The following SHOC1 variants were observed in gnomAD, a reference collection of about 807,000 sequenced individuals.
The protein encoded by SHOC1 is protein shortage in chiasmata 1 ortholog.
A neutral mutation model predicts 179.2 loss-of-function variants in SHOC1; 136 were observed. That is an observed-to-expected ratio of 0.76 (90% CI 0.66 to 0.87). The LOEUF is 0.87. Ranked by LOEUF, SHOC1 falls within the 40% of genes least tolerant of loss-of-function variation. SHOC1 has a pLI of 0.00. For synonymous variants in SHOC1, 489 were observed against 586.6 expected (o/e 0.83, Z 2.41); for missense variants, 1,538 against 1,700.8 (o/e 0.90, Z 1.68).
chr9:111,760,010 A>C (rs1029942251), intron 5 of SHOC1, among the ~76,000 whole-genome samples: 2 of 152,226 alleles, frequency 1.3e-5, no homozygotes, highest in African/African-American at 4.8e-5. Flanking sequence ...TATCTGAGAC[A>C]GTTAAATATG....
chr9:111,766,312 G>A (rs1835358129), intron 5 of SHOC1, among the ~76,000 whole-genome samples: 1 of 152,158 alleles, frequency 6.6e-6, no homozygotes, highest in African/African-American at 2.4e-5. Context: ...TGGGCACTTA[G>A]GTTGATTACA....
chr9:111,717,055 T>A (rs1051071573), intron 16 of SHOC1, among the ~76,000 whole-genome samples: 6 of 152,226 alleles, frequency 3.9e-5, no homozygotes, highest in African/African-American at 1.4e-4. Flanking sequence ...ACTCATGATA[T>A]TAAAACAGAA....
chr9:111,786,503 A>ATTTTT lies in SHOC1; in HGVS notation c.46-473_46-469dup, dbSNP rs34413616. Among the ~76,000 whole-genome samples, 112 of 110,238 alleles carry ATTTTT rather than the reference A, an allele frequency of 1.0e-3. 1 individual carries two copies. Among genetic ancestry groups the ATTTTT allele is most frequent in the African/African-American group, 3.6e-3 (101 of 28,326 alleles). The allele number at this position is 110,238 out of a possible 152,430, so 72.3% of individuals were successfully genotyped here. On this transcript the variant is annotated intron_variant, in intron 2 of 27. Coordinates refer to ENST00000682961, the MANE Select transcript of SHOC1 (RefSeq NM_001378211.1). ...TGCTTTATTCTATTGTGCTCTGCAG[A>ATTTTT]TTTTTTTTTTTTTTTTTTTTTTTTT...
intron 21 of SHOC1, among the ~76,000 whole-genome samples, chr9:111,704,780 T>C (rs1168457184): frequency 6.6e-6 from 1 of 152,204 alleles, no homozygotes; most frequent in African/African-American, 2.4e-5. Flanking sequence ...ATTTAAAACC[T>C]TGAGAATTCA....
chr9:111,713,110 G>T lies in SHOC1; in HGVS notation c.2478C>A (p.Asn826Lys), dbSNP rs761779358. The change falls in exon 18 of 28, where the codon AAC becomes AAA. Residue 826 changes from asparagine (N) to lysine (K), a missense_variant. Transcript: ENST00000682961. ...TTTAAAACTGCCTACCTTCTATTTT[G>T]TTAAGAATTTTAATGAGAAAATGTT... ...GEKHFLIKIL[N>K]KIEGLTLTVL... 2 of 1,558,918 alleles carry T rather than the reference G, an allele frequency of 1.3e-6. No individual in the cohort carries two copies. Among genetic ancestry groups the T allele is most frequent in the South Asian group, 1.1e-5 (1 of 88,210 alleles).
chr9:111,778,711 C>G (rs1835922024), intron 4 of SHOC1, among the ~76,000 whole-genome samples: 1 of 141,334 alleles, frequency 7.1e-6, no homozygotes, highest in African/African-American at 2.7e-5. Flanking sequence ...GTAGAGGTTG[C>G]AGTGAACCAA....
At chr9:111,701,958 C>T (rs1564108749) in intron 23 of SHOC1, 147 bp downstream of exon 23, 2 of 528,422 alleles carry the variant, frequency 3.8e-6, no homozygotes, top group East Asian at 6.7e-5. Context: ...ATTTGTTTTC[C>T]TGTGATCATA....
chr9:111,749,393 A>G (rs1434583168), intron 8 of SHOC1, among the ~76,000 whole-genome samples: 2 of 152,194 alleles, frequency 1.3e-5, no homozygotes, highest in Admixed American at 1.3e-4. Context: ...TGATACTTTT[A>G]TAATCTTATT....
At chr9:111,718,538 G>A (rs1010267572) in intron 15 of SHOC1, among the ~76,000 whole-genome samples, 1 of 152,146 alleles carries the variant, frequency 6.6e-6, no homozygotes, top group African/African-American at 2.4e-5. Flanking sequence ...GTCAGTGAGT[G>A]AGTAAATGGT....
intron 12 of SHOC1, among the ~76,000 whole-genome samples, chr9:111,734,409 T>A (rs1259458380): frequency 6.6e-6 from 1 of 152,214 alleles, no homozygotes; most frequent in Non-Finnish European, 1.5e-5. Flanking sequence ...TAACCTGACC[T>A]AATCTTATTT....
At chr9:111,714,410 C>T in intron 17 of SHOC1, 35 bp downstream of exon 17, 1 of 1,602,402 alleles carries the variant, frequency 6.2e-7, no homozygotes, top group Non-Finnish European at 8.5e-7. Context: ...CTTACTTAAA[C>T]TGATTATTTT....
In SHOC1 at chr9:111,707,943, A is replaced by T. The variant is rs1282613784; in HGVS notation, c.2489-19T>A. On this transcript the variant is annotated intron_variant, in intron 18 of 27. Transcript: ENST00000682961. ...GTTAAACCTGTTGGAAAAAAGAATAATTTTTTTCAGTGTCTTGTTCAGATA... is the reference window on the plus strand; with the variant it reads ...GTTAAACCTGTTGGAAAAAAGAATATTTTTTTTCAGTGTCTTGTTCAGATA... The T allele has an allele frequency of 6.2e-6, 9 of 1,457,434 alleles. No homozygotes were observed. Among genetic ancestry groups the T allele is most frequent in the East Asian group, 2.5e-5 (1 of 40,152 alleles). 90.3% of individuals were successfully genotyped at this position (1,457,434 alleles called of 1,614,324 possible).
At chr9:111,718,388 G>T in intron 15 of SHOC1, 100 bp from the exon 16 acceptor site, 2 of 670,184 alleles carry the variant, frequency 3.0e-6, no homozygotes, top group Non-Finnish European at 2.4e-6. Context: ...ATTTATTATT[G>T]AGTGCTTACT....
At chr9:111,794,291 A>T (rs566795023) in intron 1 of SHOC1, among the ~76,000 whole-genome samples, 58 of 145,690 alleles carry the variant, frequency 4.0e-4, no homozygotes, top group South Asian at 8.8e-4. Context: ...AAAAAAAAAA[A>T]TAATAAGATC....
intron 9 of SHOC1, 67 bp from the exon 10 acceptor site, chr9:111,746,409 TCAC>T (rs1188751113): frequency 2.3e-5 from 23 of 986,040 alleles, no homozygotes; most frequent in Non-Finnish European, 3.1e-5. Context: ...GCGTGGTGGC[TCAC>T]ACCTGTAATT....
intron 5 of SHOC1, chr9:111,759,246 T>C: frequency 1.2e-6 from 2 of 1,613,794 alleles, no homozygotes; most frequent in Non-Finnish European, 1.7e-6. Context: ...TGCATCATTT[T>C]ACCTCTTAAT....
chr9:111,756,934 C>T (rs1388019304), intron 7 of SHOC1, among the ~76,000 whole-genome samples: 1 of 152,096 alleles, frequency 6.6e-6, no homozygotes. Context: ...AGACTAAGTC[C>T]ACAACTCTCA....
At chr9:111,788,621 T>C (rs981051971) in intron 2 of SHOC1, among the ~76,000 whole-genome samples, 1 of 152,216 alleles carries the variant, frequency 6.6e-6, no homozygotes, top group African/African-American at 2.4e-5. Context: ...GTGTAAGTAC[T>C]TGACAAAAAA....
At chr9:111,706,528 T>G (rs776235525) in intron 20 of SHOC1, 40 bp downstream of exon 20, 1 of 1,406,110 alleles carries the variant, frequency 7.1e-7, no homozygotes, top group Non-Finnish European at 9.5e-7. Flanking sequence ...AAATTTTCAT[T>G]CTAATAAAGC....
Sources: gnomAD v4.1 joint callset for allele counts (sites outside exome capture counted in the v4.1 genomes callset) on GRCh38, gnomAD v4.1.1 for gene constraint, MANE v1.5 for transcripts, NCBI Gene and HGNC (gene_info 2026-07-23, HGNC 2026-07-21) for gene names.